Variants in GALK2 observed in about 807,000 individuals in gnomAD.
The protein encoded by GALK2 is galactokinase 2, also known as N-acetylgalactosamine kinase.
GALK2 carries 36 observed loss-of-function variants against 52.4 expected under a neutral mutation model. The ratio of observed to expected loss-of-function variants is 0.69; its 90% confidence interval spans 0.53 to 0.91. GALK2 has a LOEUF of 0.91. GALK2 is among the 40% of genes least tolerant of loss of function. GALK2 has a pLI of 0.00. For missense variants in GALK2, 579 were observed against 559.1 expected (o/e 1.04, Z -0.36); for synonymous variants, 176 against 199.1 (o/e 0.88, Z 0.98).
chr15:49,296,902 T>C (rs1188858329), intron 8 of GALK2, among the ~76,000 whole-genome samples: 2 of 152,176 alleles, frequency 1.3e-5, no homozygotes, highest in Admixed American at 1.3e-4. Flanking sequence ...CCTGTCCACA[T>C]GTGTCTTTTT....
Position 49,261,176 on chromosome 15 carries a change from A to T in GALK2, c.505-20811A>T, listed in dbSNP as rs933628643. Among the ~76,000 whole-genome samples the T allele has an allele frequency of 2.5e-3, 365 of 147,752 alleles. 1 individual carries two copies. Among genetic ancestry groups the T allele is most frequent in the Non-Finnish European group, 4.0e-3 (265 of 66,860 alleles). On this transcript the variant is annotated intron_variant, in intron 5 of 9. Coordinates refer to ENST00000560031, the MANE Select transcript of GALK2 (RefSeq NM_002044.4). ...CTTGGGCAGTATGGCCATTTTCATG[A>T]TATTGATTCTTCCTACCCATGAGCA... is the stretch of plus-strand genomic sequence containing the variant.
intron 1 of GALK2, chr15:49,170,620 T>A: frequency 2.0e-6 from 1 of 502,392 alleles, no homozygotes; most frequent in Non-Finnish European, 3.6e-6. Context: ...CTTCTTTTCC[T>A]TTTCTTGTTG....
rs551850544 is a variant in GALK2 at position 49,246,150 on chromosome 15, A to G, written c.504+6783A>G. 2.0e-5 allele frequency among the ~76,000 whole-genome samples: 3 copies of G among 152,328 alleles called. No homozygotes were observed. In the East Asian group the frequency reaches 5.8e-4, roughly 29 times the overall value. The stretch of plus-strand genomic sequence containing the variant: ...TAGTTGCTGAGGTGTTCTACAAGAT[A>G]TGCCTGTATTTTGTAAGAATGGGAT... On this transcript the variant is annotated intron_variant, in intron 5 of 9. Transcript: ENST00000560031.
intron 1 of GALK2, among the ~76,000 whole-genome samples, chr15:49,177,310 T>C (rs1329493219): frequency 3.5e-5 from 5 of 144,142 alleles, no homozygotes; most frequent in African/African-American, 9.8e-5. Flanking sequence ...TTATTTTCTT[T>C]TTTTCTTTTA....
At chr15:49,307,293 G>A (rs1446360672) in intron 8 of GALK2, among the ~76,000 whole-genome samples, 3 of 152,124 alleles carry the variant, frequency 2.0e-5, no homozygotes, top group Admixed American at 2.0e-4. Context: ...TACCATTTGG[G>A]GGACTGTTGA....
intron 2 of GALK2, among the ~76,000 whole-genome samples, chr15:49,210,484 A>G (rs1376488709): frequency 4.6e-5 from 7 of 151,556 alleles, no homozygotes; most frequent in Non-Finnish European, 1.0e-4. Context: ...TTGTTGCCCA[A>G]GCTGGAGTGC....
intron 1 of GALK2, among the ~76,000 whole-genome samples, chr15:49,193,147 G>A (rs1241594474): frequency 6.6e-6 from 1 of 151,848 alleles, no homozygotes; most frequent in Non-Finnish European, 1.5e-5. Context: ...GCAGGCATGT[G>A]CCACCACTCC....
chr15:49,250,933 C>T (rs967076391), intron 5 of GALK2, among the ~76,000 whole-genome samples: 1 of 151,998 alleles, frequency 6.6e-6, no homozygotes, highest in Non-Finnish European at 1.5e-5. Context: ...GTCTTTGGGC[C>T]TTAGAAGTTT....
intron 5 of GALK2, among the ~76,000 whole-genome samples, chr15:49,266,038 A>T (rs936214808): frequency 2.0e-5 from 3 of 152,116 alleles, no homozygotes; most frequent in Non-Finnish European, 2.9e-5. Context: ...AATTCTGTCT[A>T]TTTTGTCTGG....
chr15:49,291,508 C>T (rs1405829834), intron 7 of GALK2, among the ~76,000 whole-genome samples: 1 of 152,064 alleles, frequency 6.6e-6, no homozygotes, highest in African/African-American at 2.4e-5. Context: ...GCTTAAAATG[C>T]CCCTCTGTCT....
intron 3 of GALK2, chr15:49,353,673 G>A (rs2042596074): frequency 6.7e-6 from 1 of 149,954 alleles, no homozygotes; most frequent in Non-Finnish European, 1.5e-5. Flanking sequence ...TGCAGTATAG[G>A]CTTTCCTATT....
rs368974571 is a variant in GALK2, at chr15:49,325,608, A to G, written c.1170-2344A>G. 1.9e-3 allele frequency among the ~76,000 whole-genome samples: 294 copies of G among 152,378 alleles called. 2 individuals are homozygous for G. Among genetic ancestry groups the G allele is most frequent in the African/African-American group, 6.8e-3 (282 of 41,592 alleles). On this transcript the variant is annotated intron_variant, in intron 9 of 9. Transcript: ENST00000560031. ...CAGACCTTTCTGCCTTTATAAGTGT[A>G]TACAGCTGCGCAGGCTGCTGACCAG...
intron 3 of GALK2, among the ~76,000 whole-genome samples, chr15:49,355,538 GA>G (rs1361945625): frequency 2.6e-5 from 4 of 152,080 alleles, no homozygotes; most frequent in Non-Finnish European, 5.9e-5. Flanking sequence ...GAAGTTTAGA[GA>G]AAAAAGAATA....
At chr15:49,267,787 C>T (rs1396779754) in intron 5 of GALK2, among the ~76,000 whole-genome samples, 1 of 151,894 alleles carries the variant, frequency 6.6e-6, no homozygotes, top group South Asian at 2.1e-4. Context: ...TTACTTCTTT[C>T]ATATTTTTAT....
chr15:49,328,617 G>T lies in GALK2; in HGVS notation c.*458G>T, dbSNP rs184970229. The T allele has an allele frequency of 1.8e-5, 28 of 1,587,876 alleles. No homozygotes were observed. Among genetic ancestry groups the T allele is most frequent in the Non-Finnish European group, 2.3e-5 (27 of 1,163,536 alleles). On this transcript the variant is annotated 3_prime_UTR_variant, in exon 10 of 10. Transcript: ENST00000560031. Reference sequence around the variant, plus strand: ...GTAGTTGTCTGTTGATGATGGTGATGATGATGATGATGACGATAGTGATGC... The same window carrying T: ...GTAGTTGTCTGTTGATGATGGTGATTATGATGATGATGACGATAGTGATGC...
intron 5 of GALK2, among the ~76,000 whole-genome samples, chr15:49,253,028 A>G (rs1289646874): frequency 6.9e-6 from 1 of 144,696 alleles, no homozygotes; most frequent in Non-Finnish European, 1.6e-5. Flanking sequence ...TTACTTTATA[A>G]GAACTCTTCA....
At chr15:49,171,989 T>C (rs2085132424) in intron 1 of GALK2, among the ~76,000 whole-genome samples, 1 of 152,162 alleles carries the variant, frequency 6.6e-6, no homozygotes, top group Non-Finnish European at 1.5e-5. Context: ...GCCAGGCTGG[T>C]CTCCAACTTG....
At chr15:49,228,659 TG>T (rs1463069187) in intron 3 of GALK2, among the ~76,000 whole-genome samples, 1 of 65,350 alleles carries the variant, frequency 1.5e-5, no homozygotes, top group African/African-American at 7.8e-5. Flanking sequence ...TGTCTTTCAC[TG>T]ATATATATAT....
At chr15:49,209,102 T>A (rs928636654) in intron 2 of GALK2, among the ~76,000 whole-genome samples, 2 of 152,246 alleles carry the variant, frequency 1.3e-5, no homozygotes, top group Admixed American at 6.5e-5. Context: ...TTAGTCCTTA[T>A]CCTTTTTGCG....
Sources: gnomAD v4.1 joint callset for allele counts (sites outside exome capture counted in the v4.1 genomes callset) on GRCh38, gnomAD v4.1.1 for gene constraint, MANE v1.5 for transcripts, NCBI Gene and HGNC (gene_info 2026-07-23, HGNC 2026-07-21) for gene names.